The following PMPCB variants were observed in gnomAD, a reference collection of about 807,000 sequenced individuals.
The protein encoded by PMPCB is mitochondrial-processing peptidase subunit beta.
In PMPCB, 46 loss-of-function variants were observed where a neutral mutation model predicts 61.5. That is an observed-to-expected ratio of 0.75 (90% CI 0.59 to 0.96). The LOEUF is 0.96. Among genes scored for constraint, PMPCB ranks in the 40% least tolerant of loss-of-function variants. The pLI, the probability that PMPCB is intolerant of heterozygous loss-of-function variation, is 0.00. For synonymous variants in PMPCB, 191 were observed against 201.6 expected (o/e 0.95, Z 0.44); for missense variants, 590 against 602.4 (o/e 0.98, Z 0.22).
At chr7:103,342,816 G>A in the PMPCB span, among the ~76,000 whole-genome samples, 1 of 151,162 alleles carries the variant, frequency 6.6e-6, no homozygotes, top group East Asian at 2.0e-4. Context: ...CACCATATTA[G>A]CCAGGATGGT....
Position 103,313,201 on chromosome 7 carries a change from G to A in PMPCB, c.*930G>A. ...TCGCTAAGTGCCCATTTCAATCTGG[G>A]ATGTGTCATTTTGAAAATAAACTTG... On this transcript the variant is annotated 3_prime_UTR_variant, in exon 13 of 13. Transcript: ENST00000249269. 1 of 1,475,744 alleles carries A rather than the reference G, an allele frequency of 6.8e-7. No individual in the cohort carries two copies. The highest frequency in any genetic ancestry group is 8.9e-7 in the Non-Finnish European group (1 of 1,119,582). The allele number at this position is 1,475,744 out of a possible 1,614,324, so 91.4% of individuals were successfully genotyped here.
chr7:103,322,530 T>A, intron 12 of PMPCB: 1 of 1,519,296 alleles, frequency 6.6e-7, no homozygotes, highest in African/African-American at 1.4e-5. Context: ...AGCTTCTTGC[T>A]CCTTCCGTTT....
At chr7:103,311,572 C>A in intron 9 of PMPCB, 71 bp from the exon 10 acceptor site, 1 of 1,041,208 alleles carries the variant, frequency 9.6e-7, no homozygotes, top group Non-Finnish European at 1.5e-6. Flanking sequence ...AAGATGGCAT[C>A]ATCATTCTTA....
At chr7:103,330,053 TA>T (rs1400037007), downstream of PMPCB, among the ~76,000 whole-genome samples, 1 of 152,218 alleles carries the variant, frequency 6.6e-6, no homozygotes, top group Non-Finnish European at 1.5e-5. Context: ...CTGAAACAGT[TA>T]TCAAAGTAGG....
At chr7:103,315,848 T>G, downstream of PMPCB, 5 of 1,613,378 alleles carry the variant, frequency 3.1e-6, no homozygotes, top group Non-Finnish European at 3.4e-6. Flanking sequence ...GCCTTTTTAT[T>G]TATGTCATCT....
intron 4 of PMPCB, among the ~76,000 whole-genome samples, chr7:103,302,362 C>T (rs189510871): frequency 1.3e-5 from 2 of 152,186 alleles, no homozygotes; most frequent in East Asian, 1.9e-4. Flanking sequence ...ACTATACTAA[C>T]ATATATTAAA....
intron 12 of PMPCB, chr7:103,327,522 C>T (rs542514817): frequency 1.4e-6 from 1 of 714,682 alleles, no homozygotes; most frequent in African/African-American, 1.8e-5. Context: ...TTAGAAAGAA[C>T]TTGATATAAC....
At chr7:103,342,626 T>G in the PMPCB span, among the ~76,000 whole-genome samples, 7 of 148,950 alleles carry the variant, frequency 4.7e-5, no homozygotes, top group East Asian at 2.0e-4. Flanking sequence ...TTTTTTTTTT[T>G]GGGACGGAGT....
chr7:103,322,660 T>C (rs1211818427), intron 12 of PMPCB: 2 of 1,613,138 alleles, frequency 1.2e-6, no homozygotes. Context: ...TAATCTCATT[T>C]TGAATTTCTA....
chr7:103,336,365 C>G, the PMPCB span: 1 of 152,116 alleles, frequency 6.6e-6, no homozygotes, highest in South Asian at 2.1e-4. Context: ...TTTTCGGAAA[C>G]AGAGTGTCGC....
chr7:103,321,529 TAAATAA>T (rs1007318687), intron 12 of PMPCB, among the ~76,000 whole-genome samples: 5 of 149,764 alleles, frequency 3.3e-5, no homozygotes, highest in African/African-American at 1.2e-4. Flanking sequence ...AATAAATAAA[TAAATAA>T]AAATAATTTT....
chr7:103,299,389 C>A (rs181319627), intron 2 of PMPCB, 54 bp from the exon 3 acceptor site: 3 of 1,110,808 alleles, frequency 2.7e-6, no homozygotes, highest in Non-Finnish European at 4.0e-6. Context: ...ACTGTTCCCC[C>A]CAACCTCAAA....
chr7:103,298,686 ACT>A lies in PMPCB; in HGVS notation c.221_222del (p.Ser74TrpfsTer12). On this transcript the variant is annotated frameshift_variant, in exon 2 of 13. Coordinates refer to ENST00000249269, the MANE Select transcript of PMPCB (RefSeq NM_004279.3). LOFTEE classifies it high-confidence loss of function. ...AGTGGACTCAGAGTAGCTTCGGAAG[ACT>A]CTGGGCTCTCAACATGCACAGTAAG... 1.2e-6 allele frequency: 2 copies of A among 1,614,060 alleles called. No homozygotes were observed. The highest frequency in any genetic ancestry group is 1.7e-6 in the Non-Finnish European group (2 of 1,179,986).
chr7:103,342,062 A>G, the PMPCB span: 2 of 817,996 alleles, frequency 2.4e-6, no homozygotes, highest in Non-Finnish European at 3.6e-6. Flanking sequence ...ATACCAGCAT[A>G]TACTTTTAAA....
the PMPCB span, among the ~76,000 whole-genome samples, chr7:103,342,308 C>CT: frequency 0.041 from 5,796 of 143,020 alleles, 128 homozygotes; most frequent in African/African-American, 0.043. Flanking sequence ...TATTTTTTTA[C>CT]TTTTTTTTTT....
downstream of PMPCB, chr7:103,316,948 A>G: frequency 6.2e-7 from 1 of 1,613,940 alleles, no homozygotes. Flanking sequence ...GTGTTCTTAG[A>G]TGCTTGTCGC....
the PMPCB span, chr7:103,337,662 A>G: frequency 2.5e-6 from 3 of 1,193,260 alleles, no homozygotes; most frequent in Admixed American, 1.8e-5. Context: ...ATGATACTGT[A>G]TATCTTTTAA....
At chr7:103,324,540 G>T in intron 12 of PMPCB, 2 of 1,484,720 alleles carry the variant, frequency 1.3e-6, no homozygotes, top group South Asian at 2.6e-5. Flanking sequence ...CCAAGTTTAG[G>T]AACATTTTTT....
chr7:103,306,827 C>T (rs1396678393), intron 6 of PMPCB, among the ~76,000 whole-genome samples: 2 of 152,084 alleles, frequency 1.3e-5, no homozygotes, highest in African/African-American at 2.4e-5. Flanking sequence ...GTGATCTCAG[C>T]TCACTGCAAA....
Sources: gnomAD v4.1 joint callset for allele counts (sites outside exome capture counted in the v4.1 genomes callset) on GRCh38, gnomAD v4.1.1 for gene constraint, MANE v1.5 for transcripts, NCBI Gene and HGNC (gene_info 2026-07-23, HGNC 2026-07-21) for gene names.